Variants in DYRK1A observed in about 807,000 individuals in gnomAD.
DYRK1A encodes dual specificity tyrosine-phosphorylation-regulated kinase 1A.
In DYRK1A, 9 loss-of-function variants were observed where a neutral mutation model predicts 79.7. That is an observed-to-expected ratio of 0.11 (90% confidence interval 0.07 to 0.20). The LOEUF (loss-of-function observed/expected upper bound fraction) is 0.20, where lower values mean the gene tolerates loss of function less well. Among genes scored for constraint, DYRK1A ranks in the 10% least tolerant of loss-of-function variants. The pLI, the probability that DYRK1A is intolerant of heterozygous loss-of-function variation, is 1.00. For missense variants in DYRK1A, 622 were observed against 956.0 expected (o/e 0.65, Z 4.61); for synonymous variants, 349 against 329.7 (o/e 1.06, Z -0.63).
intron 4 of DYRK1A, among the ~76,000 whole-genome samples, chr21:37,479,920 C>A (rs1310911454): frequency 6.6e-6 from 1 of 152,072 alleles, no homozygotes; most frequent in Non-Finnish European, 1.5e-5. Context: ...AGCCACCGCG[C>A]CTGGCCCAGA....
At chr21:37,427,733 A>G (rs1387429682) in intron 2 of DYRK1A, among the ~76,000 whole-genome samples, 1 of 152,200 alleles carries the variant, frequency 6.6e-6, no homozygotes, top group Non-Finnish European at 1.5e-5. Context: ...TTATGCTTCT[A>G]CCAGCTGCAC....
chr21:37,418,603 T>G (rs1331330760), intron 1 of DYRK1A, among the ~76,000 whole-genome samples: 1 of 152,212 alleles, frequency 6.6e-6, no homozygotes, highest in African/African-American at 2.4e-5. Context: ...GAATTTATGT[T>G]TTCTTTCCCC....
intron 2 of DYRK1A, among the ~76,000 whole-genome samples, chr21:37,464,479 T>C (rs2051958265): frequency 6.6e-6 from 1 of 152,236 alleles, no homozygotes; most frequent in Non-Finnish European, 1.5e-5. Context: ...TCCACATGCA[T>C]GATTTTCTCC....
At chr21:37,510,788 C>T (rs189297218) in intron 11 of DYRK1A, among the ~76,000 whole-genome samples, 1 of 151,958 alleles carries the variant, frequency 6.6e-6, no homozygotes, top group African/African-American at 2.4e-5. Context: ...GAGGTATTAT[C>T]TTGTGTGCCA....
At position 37,490,110 on chromosome 21, in the gene DYRK1A, C is replaced by T. The variant is rs1446273621; in HGVS notation, c.638-65C>T. 4 of 1,411,662 alleles carry T rather than the reference C, an allele frequency of 2.8e-6. No individual in the cohort carries two copies. In the East Asian group the frequency reaches 6.9e-5, roughly 24 times the overall value. The allele number at this position is 1,411,662 out of a possible 1,614,324, so 87.4% of individuals were successfully genotyped here. The stretch of plus-strand genomic sequence containing the variant: ...TAATGTTATAGAACATTTGAGAGTG[C>T]ATGTGTTTGTTACTCTCAGTTTATT... On this transcript the variant is annotated intron_variant, in intron 6 of 11. Transcript: ENST00000647188.
intron 2 of DYRK1A, among the ~76,000 whole-genome samples, chr21:37,458,006 G>A (rs2051709848): frequency 6.6e-6 from 1 of 152,232 alleles, no homozygotes; most frequent in African/African-American, 2.4e-5. Flanking sequence ...GTCTGAGGCT[G>A]TGGTAGGTAA....
At chr21:37,440,035 T>C (rs1394274102) in intron 2 of DYRK1A, among the ~76,000 whole-genome samples, 1 of 151,826 alleles carries the variant, frequency 6.6e-6, no homozygotes, top group Non-Finnish European at 1.5e-5. Context: ...TCATGAAAGA[T>C]ATTGGGGTTT....
At chr21:37,474,982 A>G (rs552473701) in intron 3 of DYRK1A, among the ~76,000 whole-genome samples, 1 of 152,380 alleles carries the variant, frequency 6.6e-6, no homozygotes, top group South Asian at 2.1e-4. Flanking sequence ...GGAGGTAAAT[A>G]TAAATAAAAT....
intron 2 of DYRK1A, among the ~76,000 whole-genome samples, chr21:37,440,860 G>T: frequency 6.6e-6 from 1 of 152,162 alleles, no homozygotes; most frequent in East Asian, 1.9e-4. Context: ...CCCTAGAAAA[G>T]AATGTATATT....
Position 37,522,661 on chromosome 21 carries a change from A to G in DYRK1A, c.*10130A>G, listed in dbSNP as rs1008362645. On this transcript the variant is annotated 3_prime_UTR_variant, in exon 12 of 12. Transcript: ENST00000647188. ...AATTTTTATTTTGGCAAAACCGTCC[A>G]TGAATTTGGAGATGTTGAACAGGTT... The G allele has an allele frequency of 1.3e-5, 2 of 152,266 alleles. No individual in the cohort carries two copies. The highest frequency in any genetic ancestry group is 1.5e-5 in the Non-Finnish European group (1 of 68,050). 9.4% of individuals were successfully genotyped at this position (152,266 alleles called of 1,614,324 possible).
chr21:37,460,472 G>A (rs757054839), intron 2 of DYRK1A, among the ~76,000 whole-genome samples: 9 of 152,140 alleles, frequency 5.9e-5, no homozygotes, highest in Non-Finnish European at 1.0e-4. Flanking sequence ...TTAGCCACTA[G>A]CCTCCAGTCA....
intron 1 of DYRK1A, among the ~76,000 whole-genome samples, chr21:37,402,224 G>A (rs1336189140): frequency 6.6e-6 from 1 of 152,120 alleles, no homozygotes; most frequent in East Asian, 1.9e-4. Flanking sequence ...TGAAAACTTT[G>A]TTTCCATTTG....
chr21:37,454,963 T>A (rs143275313), intron 2 of DYRK1A, among the ~76,000 whole-genome samples: 1,539 of 151,844 alleles, frequency 0.01, 25 homozygotes, highest in African/African-American at 0.035. Context: ...CTCAGCCAGA[T>A]GTGATAATGT....
At chr21:37,390,540 T>C (rs1319805703) in intron 1 of DYRK1A, among the ~76,000 whole-genome samples, 2 of 152,176 alleles carry the variant, frequency 1.3e-5, no homozygotes, top group Admixed American at 6.5e-5. Context: ...GAGAGAATGT[T>C]GCCTAGGATC....
intron 2 of DYRK1A, among the ~76,000 whole-genome samples, chr21:37,436,491 A>G (rs1377857360): frequency 1.3e-5 from 2 of 152,138 alleles, no homozygotes; most frequent in East Asian, 3.9e-4. Flanking sequence ...AGGGCTGTCC[A>G]CTTTTTGTGT....
At chr21:37,427,649 T>C (rs1337130970) in intron 2 of DYRK1A, among the ~76,000 whole-genome samples, 3 of 152,218 alleles carry the variant, frequency 2.0e-5, no homozygotes, top group Non-Finnish European at 4.4e-5. Flanking sequence ...GAAGTTGGAA[T>C]TGTTAAGGTG....
Position 37,382,540 on chromosome 21 carries a change from G to A in DYRK1A, c.-77+14912G>A, listed in dbSNP as rs1470664612. On this transcript the variant is annotated intron_variant, in intron 1 of 11. Transcript: ENST00000647188. Reference sequence around the variant, plus strand: ...TGCTTTATTTCTGGTAACATAGGGAGTGTGGGATCACACTTACTTTACCAA... The same window carrying A: ...TGCTTTATTTCTGGTAACATAGGGAATGTGGGATCACACTTACTTTACCAA... 2.0e-5 allele frequency among the ~76,000 whole-genome samples: 3 copies of A among 152,300 alleles called. No individual in the cohort carries two copies. The East Asian group carries it at 5.8e-4, about 29-fold the overall frequency.
intron 11 of DYRK1A, among the ~76,000 whole-genome samples, chr21:37,509,893 C>T (rs973077409): frequency 3.3e-5 from 5 of 152,190 alleles, no homozygotes; most frequent in Admixed American, 2.6e-4. Context: ...AGAAGCAATT[C>T]GTAAGTTTTA....
chr21:37,512,419 G>T lies in DYRK1A; in HGVS notation c.2153G>T (p.Gly718Val), dbSNP rs760500571. 20 of 1,614,090 alleles carry T rather than the reference G, an allele frequency of 1.2e-5. No individual in the cohort carries two copies. Among genetic ancestry groups the T allele is most frequent in the Non-Finnish European group, 1.7e-6 (2 of 1,180,046 alleles). Reference sequence around the variant, plus strand: ...ACATACCAATTTTCTGCTAATACAGGTCCTGCACATTACATGACTGAAGGA... The same window carrying T: ...ACATACCAATTTTCTGCTAATACAGTTCCTGCACATTACATGACTGAAGGA... The part of the protein sequence containing the change: ...HPTYQFSANT[G>V]PAHYMTEGHL... The change falls in exon 12 of 12, where the codon GGT (glycine) becomes GTT (valine). Residue 718 changes from glycine to valine, a missense_variant. Coordinates refer to ENST00000647188, the MANE Select transcript of DYRK1A (RefSeq NM_001347721.2).
Sources: gnomAD v4.1 joint callset for allele counts (sites outside exome capture counted in the v4.1 genomes callset) on GRCh38, gnomAD v4.1.1 for gene constraint, MANE v1.5 for transcripts, NCBI Gene and HGNC (gene_info 2026-07-23, HGNC 2026-07-21) for gene names.